RANBP2: variants seen among roughly 807,000 people sequenced by gnomAD.
RANBP2 encodes E3 SUMO-protein ligase RanBP2.
RANBP2 carries 57 observed loss-of-function variants against 303.6 expected under a neutral mutation model. The ratio of observed to expected loss-of-function variants is 0.19; its 90% confidence interval spans 0.15 to 0.23. The LOEUF is 0.23. RANBP2 is among the 10% of genes least tolerant of loss of function. The probability of loss-of-function intolerance (pLI) is 1.00; values close to 1 mark genes in which losing one functional copy is unlikely to be tolerated. For missense variants in RANBP2, 3,138 were observed against 3,780.8 expected (o/e 0.83, Z 4.46); for synonymous variants, 1,167 against 1,301.5 (o/e 0.90, Z 2.23).
chr2:109,431,405 C>T, the RANBP2 span, among the ~76,000 whole-genome samples: 1 of 152,206 alleles, frequency 6.6e-6, no homozygotes, highest in Non-Finnish European at 1.5e-5. Context: ...CAAAACCAAC[C>T]TTCCCCAAAT....
At chr2:109,577,705 G>A in the RANBP2 span, among the ~76,000 whole-genome samples, 3 of 151,906 alleles carry the variant, frequency 2.0e-5, no homozygotes, top group Non-Finnish European at 2.9e-5. Context: ...TTGAGGCCAG[G>A]AGTTTGAAAT....
At chr2:109,675,903 T>C in the RANBP2 span, among the ~76,000 whole-genome samples, 2 of 152,170 alleles carry the variant, frequency 1.3e-5, no homozygotes, top group Admixed American at 6.5e-5. Flanking sequence ...AGAGAGCTGT[T>C]GTGAGGTTCC....
At chr2:109,444,843 TAGG>T in the RANBP2 span, among the ~76,000 whole-genome samples, 3 of 151,796 alleles carry the variant, frequency 2.0e-5, no homozygotes, top group African/African-American at 4.8e-5. Flanking sequence ...ACTCAAGAGA[TAGG>T]AGGAAAATAA....
At chr2:109,161,902 G>A in the RANBP2 span, among the ~76,000 whole-genome samples, 1 of 152,000 alleles carries the variant, frequency 6.6e-6, no homozygotes, top group African/African-American at 2.4e-5. Context: ...CCAAACTATA[G>A]CCTATCACCT....
At chr2:109,601,445 T>A in the RANBP2 span, among the ~76,000 whole-genome samples, 1 of 152,260 alleles carries the variant, frequency 6.6e-6, no homozygotes, top group Non-Finnish European at 1.5e-5. Context: ...TAAATTTCTG[T>A]CAATTTGACA....
the RANBP2 span, among the ~76,000 whole-genome samples, chr2:109,152,574 T>G: frequency 6.6e-6 from 1 of 152,242 alleles, no homozygotes. Flanking sequence ...TTTGCCTTTT[T>G]ATTATTTACA....
chr2:109,515,971 T>C, the RANBP2 span, among the ~76,000 whole-genome samples: 3 of 152,084 alleles, frequency 2.0e-5, no homozygotes, highest in Non-Finnish European at 4.4e-5. Flanking sequence ...CCACCTGGGG[T>C]TGGAGGGGAC....
chr2:108,897,342 T>G, the RANBP2 span: 1 of 1,058,964 alleles, frequency 9.4e-7, no homozygotes, highest in Non-Finnish European at 1.4e-6. Flanking sequence ...TTTTTTAAAA[T>G]TATAAAACAT....
At chr2:108,771,503 G>A (rs1433266240) in intron 20 of RANBP2, among the ~76,000 whole-genome samples, 198 bp from the exon 21 acceptor site, 8 of 151,754 alleles carry the variant, frequency 5.3e-5, no homozygotes, top group Admixed American at 6.6e-5. Flanking sequence ...GTTCACTTAG[G>A]GTTTTTGGTA....
At chr2:108,768,804 G>A (rs533935382) in intron 20 of RANBP2, among the ~76,000 whole-genome samples, 1 of 152,188 alleles carries the variant, frequency 6.6e-6, no homozygotes, top group South Asian at 2.1e-4. Context: ...AGGTTGAGGT[G>A]GGCAGATCAC....
the RANBP2 span, among the ~76,000 whole-genome samples, chr2:109,710,884 T>A: frequency 6.6e-6 from 1 of 152,002 alleles, no homozygotes; most frequent in African/African-American, 2.4e-5. Flanking sequence ...GACAGCAAGA[T>A]GTGTTCATAA....
the RANBP2 span, chr2:108,791,670 T>A: frequency 6.2e-7 from 1 of 1,602,418 alleles, no homozygotes; most frequent in South Asian, 1.1e-5. Flanking sequence ...ATTATTTTTT[T>A]AAAGCCTAGA....
chr2:108,876,340 A>T, the RANBP2 span: 2 of 685,478 alleles, frequency 2.9e-6, no homozygotes, highest in Admixed American at 2.7e-5. Flanking sequence ...TACCAAGTAA[A>T]GTTATCAGTA....
At chr2:108,848,521 TAAAG>T in the RANBP2 span, among the ~76,000 whole-genome samples, 1 of 152,210 alleles carries the variant, frequency 6.6e-6, no homozygotes, top group South Asian at 2.1e-4. Context: ...ATGTCAGAAA[TAAAG>T]AACTTTTATT....
chr2:109,585,220 CTTTAAG>C, the RANBP2 span: 11 of 1,612,720 alleles, frequency 6.8e-6, no homozygotes, highest in African/African-American at 8.0e-5. Flanking sequence ...TATGTCTGAG[CTTTAAG>C]TTTAACATTT....
the RANBP2 span, among the ~76,000 whole-genome samples, chr2:109,333,043 G>A: frequency 7.2e-5 from 11 of 152,360 alleles, 1 homozygote; most frequent in East Asian, 1.9e-3. Context: ...GGGAATGCGC[G>A]TGAGTGCAGA....
At chr2:109,645,344 A>G in the RANBP2 span, among the ~76,000 whole-genome samples, 2 of 152,272 alleles carry the variant, frequency 1.3e-5, no homozygotes, top group African/African-American at 4.8e-5. Context: ...GAATTGGCAC[A>G]GAGTGGGCAC....
chr2:109,441,939 G>A, the RANBP2 span, among the ~76,000 whole-genome samples: 1 of 135,464 alleles, frequency 7.4e-6, no homozygotes, highest in Non-Finnish European at 1.6e-5. Context: ...TCTACTCCCA[G>A]CAAAAATATC....
chr2:109,197,879 C>A, the RANBP2 span, among the ~76,000 whole-genome samples: 1 of 152,244 alleles, frequency 6.6e-6, no homozygotes, highest in African/African-American at 2.4e-5. Flanking sequence ...GCACAGAAGA[C>A]TGCACTTGCC....
Sources: allele counts gnomAD v4.1 joint callset (sites outside exome capture counted in the v4.1 genomes callset), GRCh38; gene constraint gnomAD v4.1.1; transcripts MANE v1.5; gene names NCBI Gene and HGNC (gene_info 2026-07-23, HGNC 2026-07-21).